Variants in LAMA2 observed in about 807,000 individuals in gnomAD.
LAMA2 encodes the protein laminin subunit alpha-2.
Under a neutral mutation model 364.8 loss-of-function variants are expected in LAMA2, and 269 were observed. That is an observed-to-expected ratio of 0.74 (90% CI 0.67 to 0.82). LAMA2 has a LOEUF of 0.82. Among genes scored for constraint, LAMA2 ranks in the 40% least tolerant of loss-of-function variants. LAMA2 has a pLI of 0.00. For synonymous variants in LAMA2, 1,379 were observed against 1,370.6 expected (o/e 1.01, Z -0.14); for missense variants, 3,807 against 3,873.2 (o/e 0.98, Z 0.45).
intron 1 of LAMA2, among the ~76,000 whole-genome samples, chr6:129,015,604 T>G (rs1284967181): frequency 6.6e-6 from 1 of 152,114 alleles, no homozygotes; most frequent in Admixed American, 6.5e-5. Flanking sequence ...TTAAACTTGT[T>G]ATATTTGTTA....
rs748473453 is a variant in LAMA2 at position 129,369,904 on chromosome 6, C to T, written c.4873C>T (p.Pro1625Ser). 6.2e-7 allele frequency: 1 copy of T among 1,614,020 alleles called. No homozygotes were observed. The highest frequency in any genetic ancestry group is 8.5e-7 in the Non-Finnish European group (1 of 1,179,922). Reference protein sequence around the residue: ...MTQELKHLLSPQRAPERLIQL... With the variant: ...MTQELKHLLSSQRAPERLIQL... ...GAATCTTTTTCAGCACTTGCTGTCA[C>T]CTCAGCGGGCCCCAGAGAGGCTTAT... Residue 1625 changes from proline to serine, a missense_variant, in exon 34 of 65, where the codon CCT becomes TCT. Coordinates refer to ENST00000421865, the MANE Select transcript of LAMA2 (RefSeq NM_000426.4).
chr6:128,890,542 T>TACACACACAC (rs56972149), intron 1 of LAMA2, among the ~76,000 whole-genome samples: 3,596 of 147,398 alleles, frequency 0.024, 108 homozygotes, highest in African/African-American at 0.067. Context: ...TTCATTTAAA[T>TACACACACAC]ACACACACAC....
chr6:129,094,615 T>C (rs1222219822), intron 3 of LAMA2, among the ~76,000 whole-genome samples: 1 of 152,230 alleles, frequency 6.6e-6, no homozygotes, highest in Non-Finnish European at 1.5e-5. Context: ...AACCTTAGTG[T>C]AGTCTTATTT....
In LAMA2 at chr6:129,489,064, ATAGAT is replaced by A. The variant is rs1392113397; in HGVS notation, c.7898+2445_7898+2449del. On this transcript the variant is annotated intron_variant, in intron 56 of 64. Coordinates refer to ENST00000421865, the MANE Select transcript of LAMA2 (RefSeq NM_000426.4). ...AAATACCTCCATCTATGCACAGCCAATAGATTATTCTTACATTTTTGTGTGACCAT... is the reference window on the plus strand; with the variant it reads ...AAATACCTCCATCTATGCACAGCCAATATTCTTACATTTTTGTGTGACCAT... Among the ~76,000 whole-genome samples, 5 of 152,368 alleles carry A rather than the reference ATAGAT, an allele frequency of 3.3e-5. No individual in the cohort carries two copies. In the East Asian group the frequency reaches 9.6e-4, roughly 29 times the overall value.
At chr6:129,059,655 G>A in intron 2 of LAMA2, 129 bp from the exon 3 acceptor site, 1 of 675,362 alleles carries the variant, frequency 1.5e-6, no homozygotes. Context: ...CTCTCCTTCT[G>A]TATTATTTTA....
intron 1 of LAMA2, among the ~76,000 whole-genome samples, chr6:128,933,378 G>C (rs896035133): frequency 6.6e-6 from 1 of 152,142 alleles, no homozygotes; most frequent in African/African-American, 2.4e-5. Context: ...CTATGAACAT[G>C]TGGATGCAGA....
chr6:129,294,353 G>A (rs1789939509), intron 20 of LAMA2, among the ~76,000 whole-genome samples: 1 of 152,168 alleles, frequency 6.6e-6, no homozygotes, highest in Non-Finnish European at 1.5e-5. Flanking sequence ...TAAGTGGCAT[G>A]TAAACAATGG....
intron 42 of LAMA2, among the ~76,000 whole-genome samples, chr6:129,439,075 C>A (rs530430071): frequency 1.4e-4 from 22 of 151,884 alleles, no homozygotes; most frequent in South Asian, 4.2e-4. Context: ...GACCCCCCCC[C>A]ACAGATATCA....
At chr6:129,239,573 T>C (rs889789909) in intron 12 of LAMA2, among the ~76,000 whole-genome samples, 2 of 152,162 alleles carry the variant, frequency 1.3e-5, no homozygotes, top group African/African-American at 4.8e-5. Context: ...TCAGCAGATA[T>C]AGGAATTCCT....
At chr6:129,160,793 T>G (rs1301567691) in intron 8 of LAMA2, among the ~76,000 whole-genome samples, 2 of 151,868 alleles carry the variant, frequency 1.3e-5, no homozygotes, top group Non-Finnish European at 2.9e-5. Context: ...ACTTCTAATT[T>G]CTCTTGTGAT....
intron 41 of LAMA2, among the ~76,000 whole-genome samples, chr6:129,430,274 A>G (rs909452415): frequency 6.6e-6 from 1 of 152,178 alleles, no homozygotes; most frequent in Admixed American, 6.5e-5. Context: ...GCCTGGAGTT[A>G]GAAGGAATAA....
chr6:129,399,119 T>G (rs1448200118), intron 37 of LAMA2, among the ~76,000 whole-genome samples: 2 of 152,222 alleles, frequency 1.3e-5, no homozygotes, highest in Admixed American at 1.3e-4. Flanking sequence ...ACCTAATCTT[T>G]GTTTTTAGCA....
intron 18 of LAMA2, among the ~76,000 whole-genome samples, chr6:129,286,999 G>T (rs1199086597): frequency 1.1e-5 from 1 of 92,952 alleles, no homozygotes; most frequent in East Asian, 2.8e-4. Flanking sequence ...AAGGAAGGGA[G>T]GAAAGAGGGA....
intron 1 of LAMA2, among the ~76,000 whole-genome samples, chr6:128,907,742 G>A (rs1777586562): frequency 1.3e-5 from 2 of 152,128 alleles, no homozygotes; most frequent in South Asian, 4.1e-4. Flanking sequence ...TCCAGTTTTT[G>A]CCAATTCAGT....
At chr6:129,485,862 C>G (rs887699209) in intron 55 of LAMA2, among the ~76,000 whole-genome samples, 1 of 152,172 alleles carries the variant, frequency 6.6e-6, no homozygotes, top group African/African-American at 2.4e-5. Context: ...GTGGCATCAG[C>G]TCTAGGGACA....
At chr6:128,963,790 C>T (rs190656144) in intron 1 of LAMA2, among the ~76,000 whole-genome samples, 286 of 152,116 alleles carry the variant, frequency 1.9e-3, no homozygotes, top group African/African-American at 6.5e-3. Context: ...GGAAGCCATG[C>T]CTTTTAGCTG....
intron 27 of LAMA2, 144 bp from the exon 28 acceptor site, chr6:129,320,394 A>G (rs192018603): frequency 3.4e-4 from 233 of 692,718 alleles, no homozygotes; most frequent in African/African-American, 2.8e-3. Flanking sequence ...TACAATTATT[A>G]TTTGTCAATT....
intron 4 of LAMA2, among the ~76,000 whole-genome samples, chr6:129,139,675 C>A (rs1778002227): frequency 6.6e-6 from 1 of 151,944 alleles, no homozygotes; most frequent in Admixed American, 6.6e-5. Context: ...AGAGATTAGG[C>A]TTGTTTTTGT....
chr6:128,921,340 G>A (rs758263007), intron 1 of LAMA2, among the ~76,000 whole-genome samples: 8 of 152,142 alleles, frequency 5.3e-5, no homozygotes, highest in Non-Finnish European at 1.2e-4. Context: ...TATTTTTGTA[G>A]GTTGAATTGC....
Sources: allele counts gnomAD v4.1 joint callset (sites outside exome capture counted in the v4.1 genomes callset), GRCh38; gene constraint gnomAD v4.1.1; transcripts MANE v1.5; gene names NCBI Gene and HGNC (gene_info 2026-07-23, HGNC 2026-07-21).